The following MYO9A variants were observed in gnomAD, a reference collection of about 807,000 sequenced individuals.
MYO9A encodes unconventional myosin-IXa.
In MYO9A, 103 loss-of-function variants were observed where a neutral mutation model predicts 293.3. That is an observed-to-expected ratio of 0.35 (90% CI 0.30 to 0.41). MYO9A has a LOEUF of 0.41. Ranked by LOEUF, MYO9A falls within the 10% of genes least tolerant of loss-of-function variation. The pLI, the probability that MYO9A is intolerant of heterozygous loss-of-function variation, is 1.00. For missense variants in MYO9A, 2,685 were observed against 3,033.0 expected, an observed-to-expected ratio of 0.89 and a Z score of 2.69; for synonymous variants, 1,001 against 1,035.7, an observed-to-expected ratio of 0.97 and a Z score of 0.64.
At chr15:71,874,577 A>T (rs2056622464) in intron 32 of MYO9A, among the ~76,000 whole-genome samples, 2 of 152,346 alleles carry the variant, frequency 1.3e-5, no homozygotes, top group African/African-American at 4.8e-5. Flanking sequence ...ATATGATTTG[A>T]TTTTTATGTT....
intron 1 of MYO9A, among the ~76,000 whole-genome samples, chr15:72,105,502 CTTTTT>C (rs35861022): frequency 2.2e-5 from 2 of 89,268 alleles, no homozygotes; most frequent in African/African-American, 4.4e-5. Context: ...GCTGGGAAAG[CTTTTT>C]TTTTTTTTTT....
intron 6 of MYO9A, among the ~76,000 whole-genome samples, chr15:72,013,037 A>T (rs1463655513): frequency 6.6e-6 from 1 of 152,228 alleles, no homozygotes; most frequent in Non-Finnish European, 1.5e-5. Context: ...AGGATAAATT[A>T]AATCTCCCAG....
At chr15:72,009,886 T>A (rs1056676703) in intron 7 of MYO9A, among the ~76,000 whole-genome samples, 4 of 152,182 alleles carry the variant, frequency 2.6e-5, no homozygotes, top group African/African-American at 7.2e-5. Flanking sequence ...TTTATATTTT[T>A]AAATTGTTTA....
chr15:72,097,396 A>G (rs192378822), intron 1 of MYO9A, among the ~76,000 whole-genome samples: 1 of 152,270 alleles, frequency 6.6e-6, no homozygotes, highest in African/African-American at 2.4e-5. Flanking sequence ...TTTTTTTAAT[A>G]TTTTCTAATC....
chr15:71,968,230 C>T (rs2075925857), intron 12 of MYO9A, 105 bp from the exon 13 acceptor site: 13 of 972,874 alleles, frequency 1.3e-5, no homozygotes, highest in Non-Finnish European at 1.8e-5. Context: ...TGCCATCTTA[C>T]ATAGCAGTTT....
At chr15:71,867,594 T>A (rs2056372502) in intron 32 of MYO9A, among the ~76,000 whole-genome samples, 1 of 142,722 alleles carries the variant, frequency 7.0e-6, no homozygotes. Flanking sequence ...CAGACTGCAG[T>A]TAAAAAAAAA....
At chr15:71,829,965 C>T (rs1285543742) in intron 40 of MYO9A, 144 bp downstream of exon 40, 3 of 909,712 alleles carry the variant, frequency 3.3e-6, no homozygotes, top group South Asian at 1.5e-5. Flanking sequence ...GACAACACGT[C>T]TTTGTCATCT....
At chr15:72,017,260 C>T (rs2077372886) in intron 6 of MYO9A, among the ~76,000 whole-genome samples, 1 of 152,000 alleles carries the variant, frequency 6.6e-6, no homozygotes, top group South Asian at 2.1e-4. Context: ...GCAATTCTCC[C>T]ACCTCAGCTT....
rs2057379526 is a variant in MYO9A, at chr15:71,897,974, T to G, written c.4529A>C (p.Lys1510Thr). The G allele has an allele frequency of 6.2e-7, 1 of 1,614,048 alleles. No homozygotes were observed. Among genetic ancestry groups the G allele is most frequent in the Non-Finnish European group, 8.5e-7 (1 of 1,180,052 alleles). ...RQKQLQQQNEKEMMEQIRQQT... is the reference protein window; with the variant it reads ...RQKQLQQQNETEMMEQIRQQT... The stretch of plus-strand genomic sequence containing the variant: ...CTGGCGAATCTGTTCCATCATCTCT[T>G]TTTCATTCTGTTGCTGCAACTGTTT... Residue 1510 changes from lysine (K) to threonine (T), a missense_variant, in exon 25 of 42, where the codon AAA becomes ACA. Around this residue, in one of 10 missense-constraint regions of MYO9A, gnomAD observed 1,434 missense variants for 1,497.7 expected, o/e 0.96. Transcript: ENST00000356056.
At chr15:72,080,751 T>C (rs1296694485) in intron 1 of MYO9A, among the ~76,000 whole-genome samples, 1 of 152,066 alleles carries the variant, frequency 6.6e-6, no homozygotes, top group East Asian at 1.9e-4. Flanking sequence ...TTCCTGATTC[T>C]CTCTCTGCTC....
Position 72,046,232 on chromosome 15 carries a change from T to C in MYO9A, c.332A>G (p.Asn111Ser), listed in dbSNP as rs766769867. Residue 111 changes from asparagine to serine, a missense_variant, in exon 2 of 42, where the codon AAC becomes AGC. By Grantham distance (46) the Asn-to-Ser change is conservative. Transcript: ENST00000356056. ...EDYRFLLREK[N>S]LDGSIHYGSL... ...ACCATAATGGATTGATCCATCAAGG[T>C]TTTTCTCTCTCAGAAGGAAGCGGTA... 1.2e-6 allele frequency: 2 copies of C among 1,613,792 alleles called. No homozygotes were observed. The highest frequency in any genetic ancestry group is 1.7e-6 in the Non-Finnish European group (2 of 1,179,784).
intron 1 of MYO9A, among the ~76,000 whole-genome samples, chr15:72,112,605 T>C (rs1272785008): frequency 2.0e-5 from 3 of 152,252 alleles, no homozygotes; most frequent in East Asian, 3.8e-4. Flanking sequence ...AACTTGTCTA[T>C]TGTATGAAAC....
Position 71,938,947 on chromosome 15 carries a change from A to G in MYO9A, c.2303-20T>C, listed in dbSNP as rs764204326. 1.3e-6 allele frequency: 2 copies of G among 1,578,464 alleles called. No homozygotes were observed. Among genetic ancestry groups the G allele is most frequent in the Non-Finnish European group, 1.7e-6 (2 of 1,157,632 alleles). ...TTATACCTAGCAAAATTTAAAAAAC[A>G]GAAAATTTCAAATCAGTGCAAAGAA... is the stretch of plus-strand genomic sequence containing the variant. On this transcript the variant is annotated intron_variant, in intron 15 of 41. Transcript: ENST00000356056.
At chr15:71,994,224 G>A (rs2076629828) in intron 10 of MYO9A, among the ~76,000 whole-genome samples, 1 of 151,998 alleles carries the variant, frequency 6.6e-6, no homozygotes, top group Non-Finnish European at 1.5e-5. Context: ...AATACAGAGA[G>A]CATGATTCTA....
At chr15:72,045,014 A>C (rs2078340432) in intron 2 of MYO9A, among the ~76,000 whole-genome samples, 1 of 152,116 alleles carries the variant, frequency 6.6e-6, no homozygotes, top group Admixed American at 6.5e-5. Context: ...AATAATGTCT[A>C]CACTTCTATT....
At chr15:71,997,657 A>G (rs1394629065) in intron 9 of MYO9A, among the ~76,000 whole-genome samples, 2 of 152,104 alleles carry the variant, frequency 1.3e-5, no homozygotes, top group Non-Finnish European at 1.5e-5. Context: ...GGAATACAAA[A>G]TAATCTCAGA....
intron 1 of MYO9A, among the ~76,000 whole-genome samples, chr15:72,089,491 C>T (rs1424075840): frequency 2.0e-5 from 3 of 152,012 alleles, no homozygotes; most frequent in Non-Finnish European, 4.4e-5. Context: ...CTTCAAGAAC[C>T]GTATGAGCTG....
chr15:71,996,912 T>A (rs762335417), intron 9 of MYO9A, among the ~76,000 whole-genome samples: 14 of 151,952 alleles, frequency 9.2e-5, no homozygotes, highest in Non-Finnish European at 1.8e-4. Context: ...TACGATGGAT[T>A]TCACTCCCAT....
chr15:71,922,600 CT>C (rs11298180), intron 18 of MYO9A, among the ~76,000 whole-genome samples: 152,294 of 152,296 alleles, frequency 1, 76,146 homozygotes, highest in Middle Eastern at 1. Flanking sequence ...GTCCCTTTCC[CT>C]TTCCCACCCT....
Sources: allele counts gnomAD v4.1 joint callset (sites outside exome capture counted in the v4.1 genomes callset), GRCh38; gene constraint gnomAD v4.1.1; regional missense constraint gnomAD v4.1.1; transcripts MANE v1.5; gene names NCBI Gene and HGNC (gene_info 2026-07-23, HGNC 2026-07-21).